The following MAP1B variants were observed in gnomAD, a reference collection of about 807,000 sequenced individuals.
MAP1B encodes the protein microtubule associated protein 1B.
Under a neutral mutation model 176.1 loss-of-function variants are expected in MAP1B, and 12 were observed. The ratio of observed to expected loss-of-function variants is 0.07; its 90% CI spans 0.04 to 0.11. MAP1B has a LOEUF of 0.11. Among genes scored for constraint, MAP1B ranks in the 10% least tolerant of loss-of-function variants. The probability of loss-of-function intolerance (pLI) is 1.00; values close to 1 mark genes in which losing one functional copy is unlikely to be tolerated. For synonymous variants in MAP1B, 1,044 were observed against 1,135.0 expected, an observed-to-expected ratio of 0.92 and a Z score of 1.61; for missense variants, 2,523 against 2,990.5, an observed-to-expected ratio of 0.84 and a Z score of 3.65.
intron 4 of MAP1B, among the ~76,000 whole-genome samples, chr5:72,187,869 G>A (rs900348598): frequency 6.6e-6 from 1 of 152,210 alleles, no homozygotes; most frequent in Non-Finnish European, 1.5e-5. Context: ...ATGTAAAACT[G>A]TGAAAAGGAA....
chr5:72,178,581 C>A (rs1287202024), intron 2 of MAP1B, among the ~76,000 whole-genome samples: 1 of 152,200 alleles, frequency 6.6e-6, no homozygotes, highest in Non-Finnish European at 1.5e-5. Flanking sequence ...CCTGCCCATG[C>A]CCTGCCCCTC....
chr5:72,134,800 G>A (rs758056033), intron 2 of MAP1B, among the ~76,000 whole-genome samples: 1 of 151,440 alleles, frequency 6.6e-6, no homozygotes, highest in Non-Finnish European at 1.5e-5. Flanking sequence ...GAAAAAGGAA[G>A]GCAGAGACTT....
At chr5:72,117,397 G>C (rs1393723930) in intron 2 of MAP1B, among the ~76,000 whole-genome samples, 1 of 152,120 alleles carries the variant, frequency 6.6e-6, no homozygotes, top group African/African-American at 2.4e-5. Context: ...TTTTTACTAT[G>C]ATTGTTTGTA....
At chr5:72,143,744 G>A (rs1313732422) in intron 2 of MAP1B, among the ~76,000 whole-genome samples, 1 of 152,110 alleles carries the variant, frequency 6.6e-6, no homozygotes, top group East Asian at 1.9e-4. Flanking sequence ...GGGTACTGAG[G>A]GAGAATCTGT....
At position 72,199,449 on chromosome 5, in the gene MAP1B, A is replaced by G; in HGVS notation, c.6094A>G (p.Thr2032Ala). 1 of 1,614,192 alleles carries G rather than the reference A, an allele frequency of 6.2e-7. No individual in the cohort carries two copies. Among genetic ancestry groups the G allele is most frequent in the Non-Finnish European group, 8.5e-7 (1 of 1,180,036 alleles). ...TTCCTATGAGACATCTACAAAGACA[A>G]CACGAACCCCTGATACTTCCACATA... ...GYSYETSTKT[T>A]RTPDTSTYCY... The change falls in exon 5 of 7, where the codon ACA becomes GCA. Residue 2032 changes from threonine (T) to alanine (A), a missense_variant. Transcript: ENST00000296755. This position sits in a 1 kb window ranked among gnomAD's most constrained non-coding sequence, Gnocchi z 4.2.
At position 72,196,393 on chromosome 5, in the gene MAP1B, C is replaced by G. The variant is rs1747168547; in HGVS notation, c.3038C>G (p.Ala1013Gly). The G allele has an allele frequency of 6.2e-7, 1 of 1,613,760 alleles. No homozygotes were observed. Among genetic ancestry groups the G allele is most frequent in the South Asian group, 1.1e-5 (1 of 91,062 alleles). ...GATGAGGCCATTGAGAAAGGAGAGG[C>G]TGAACAATCTGAAGAGGAGGCTGAT... ...DMDEAIEKGE[A>G]EQSEEEADEE... is the part of the protein sequence containing the mutation. Residue 1013 changes from alanine to glycine, a missense_variant, in exon 5 of 7, where the codon GCT becomes GGT. Physicochemically the swap from Ala to Gly is moderately conservative, Grantham distance 60. Transcript: ENST00000296755. The surrounding 1 kb of genome is among the most constrained non-coding windows in gnomAD (Gnocchi z 5.3).
intron 3 of MAP1B, among the ~76,000 whole-genome samples, chr5:72,185,756 G>A (rs568987860): frequency 6.6e-6 from 1 of 152,348 alleles, no homozygotes; most frequent in South Asian, 2.1e-4. Context: ...TTAGGTACAT[G>A]TGTTTTTTGC....
chr5:72,191,130 T>C (rs2112226685), intron 4 of MAP1B, among the ~76,000 whole-genome samples: 1 of 152,376 alleles, frequency 6.6e-6, no homozygotes, highest in Non-Finnish European at 1.5e-5. Flanking sequence ...TGTGTTGAAC[T>C]GGCCAAGTTT....
chr5:72,196,663 A>G lies in MAP1B; in HGVS notation c.3308A>G (p.Glu1103Gly), dbSNP rs1209834845. ...GSESEATASD[E>G]ENREDQPEEF... ...GAGAGCGAGGCCACCGCTTCTGATGAGGAGAATCGAGAAGACCAGCCTGAG... is the reference window on the plus strand; with the variant it reads ...GAGAGCGAGGCCACCGCTTCTGATGGGGAGAATCGAGAAGACCAGCCTGAG... Residue 1103 changes from glutamate (E) to glycine (G), a missense_variant, in exon 5 of 7, where the codon GAG becomes GGG. Glu to Gly is a moderately conservative substitution (Grantham distance 98, BLOSUM62 -2). Coordinates refer to ENST00000296755, the MANE Select transcript of MAP1B (RefSeq NM_005909.5). This position sits in a 1 kb window ranked among gnomAD's most constrained non-coding sequence, Gnocchi z 5.3. The G allele has an allele frequency of 6.2e-7, 1 of 1,614,122 alleles. No individual in the cohort carries two copies. The highest frequency in any genetic ancestry group is 1.1e-5 in the South Asian group (1 of 91,080).
chr5:72,207,988 T>C lies in MAP1B; in HGVS notation c.*2749T>C, dbSNP rs896042377. The C allele has an allele frequency of 1.4e-5, 2 of 145,470 alleles. No individual in the cohort carries two copies. Among genetic ancestry groups the C allele is most frequent in the African/African-American group, 2.6e-5 (1 of 39,140 alleles). The allele number at this position is 145,470 out of a possible 1,614,324, so 9.0% of individuals were successfully genotyped here. On this transcript the variant is annotated 3_prime_UTR_variant, in exon 7 of 7. Transcript: ENST00000296755. ...TTTTTTTTTTTTTTTTTTTTTGCTA[T>C]GGGATTTAATGGGAAAAATATGTAA...
At chr5:72,126,801 A>G (rs1283514521) in intron 2 of MAP1B, among the ~76,000 whole-genome samples, 2 of 152,172 alleles carry the variant, frequency 1.3e-5, no homozygotes, top group African/African-American at 2.4e-5. Context: ...GCTTTATGAC[A>G]CTCAGGCTGA....
chr5:72,162,339 A>G (rs1337110255), intron 2 of MAP1B, among the ~76,000 whole-genome samples: 1 of 152,066 alleles, frequency 6.6e-6, no homozygotes, highest in Non-Finnish European at 1.5e-5. Flanking sequence ...CCTCTGAGAT[A>G]TTTTCAAAGT....
chr5:72,181,723 AT>A (rs33951504), intron 2 of MAP1B, among the ~76,000 whole-genome samples: 76 of 138,470 alleles, frequency 5.5e-4, no homozygotes, highest in Middle Eastern at 3.8e-3. Context: ...ACACCCAGCT[AT>A]TTTTTTTTTT....
rs1189533879 is a variant in MAP1B at position 72,199,465 on chromosome 5, C to T, written c.6110C>T (p.Thr2037Ile). Residue 2037 changes from threonine to isoleucine, a missense_variant, in exon 5 of 7, where the codon ACT (threonine) becomes ATT (isoleucine). Thr to Ile is a moderately conservative substitution (Grantham distance 89, BLOSUM62 -1). Around this residue, in one of 4 missense-constraint regions of MAP1B, gnomAD observed 1,925 missense variants for 2,126.0 expected, o/e 0.91. Coordinates refer to ENST00000296755, the MANE Select transcript of MAP1B (RefSeq NM_005909.5). The surrounding 1 kb of genome is among the most constrained non-coding windows in gnomAD (Gnocchi z 4.2). ...TSTKTTRTPD[T>I]STYCYETAEK... Reference sequence around the variant, plus strand: ...ACAAAGACAACACGAACCCCTGATACTTCCACATACTGTTACGAGACTGCA... The same window carrying T: ...ACAAAGACAACACGAACCCCTGATATTTCCACATACTGTTACGAGACTGCA... 76 of 1,614,020 alleles carry T rather than the reference C, an allele frequency of 4.7e-5. No homozygotes were observed. In the East Asian group the frequency reaches 1.7e-3, roughly 36 times the overall value.
In MAP1B at chr5:72,198,331, C is replaced by T. The variant is rs1418701239; in HGVS notation, c.4976C>T (p.Ala1659Val). 4 of 1,614,200 alleles carry T rather than the reference C, an allele frequency of 2.5e-6. No homozygotes were observed. Among genetic ancestry groups the T allele is most frequent in the Non-Finnish European group, 3.4e-6 (4 of 1,180,042 alleles). The change falls in exon 5 of 7, where the codon GCT (alanine) becomes GTT (valine). Residue 1659 changes from alanine (A) to valine (V), a missense_variant. By Grantham distance (64) the Ala-to-Val change is moderately conservative (BLOSUM62 0). Transcript: ENST00000296755. ...CAAGAATCTCCTGAGCAATCCCTTG[C>T]TATGGACTTCAGTCGACAGTCTCCA... Reference protein sequence around the residue: ...FGQESPEQSLAMDFSRQSPDH... With the variant: ...FGQESPEQSLVMDFSRQSPDH...
chr5:72,192,041 G>A (rs769585789), intron 4 of MAP1B, among the ~76,000 whole-genome samples: 1 of 152,062 alleles, frequency 6.6e-6, no homozygotes, highest in Non-Finnish European at 1.5e-5. Flanking sequence ...CAGCTAGGGT[G>A]GAATTTCAAA....
chr5:72,185,972 A>T (rs1348720856), intron 3 of MAP1B, among the ~76,000 whole-genome samples: 1 of 152,226 alleles, frequency 6.6e-6, no homozygotes, highest in African/African-American at 2.4e-5. Flanking sequence ...AGAGTTCCTT[A>T]GCGCAAACCA....
intron 2 of MAP1B, among the ~76,000 whole-genome samples, chr5:72,165,725 T>C (rs1746414958): frequency 6.6e-6 from 1 of 152,180 alleles, no homozygotes; most frequent in Non-Finnish European, 1.5e-5. Flanking sequence ...CATATAACCA[T>C]AAACATATTC....
At position 72,196,093 on chromosome 5, in the gene MAP1B, A is replaced by C. The variant is rs200457529; in HGVS notation, c.2738A>C (p.Glu913Ala). 4 of 1,614,150 alleles carry C rather than the reference A, an allele frequency of 2.5e-6. No individual in the cohort carries two copies. In the East Asian group the frequency reaches 8.9e-5, roughly 36 times the overall value. ...GECEQTPEELEPVEKQGVDDI... is the reference protein window; with the variant it reads ...GECEQTPEELAPVEKQGVDDI... The stretch of plus-strand genomic sequence containing the variant: ...TGTGAACAGACACCTGAGGAGCTGG[A>C]GCCCGTCGAGAAGCAGGGAGTAGAC... Residue 913 changes from glutamate to alanine, a missense_variant, in exon 5 of 7, where the codon GAG becomes GCG. By Grantham distance (107) the Glu-to-Ala change is moderately radical (BLOSUM62 -1). Transcript: ENST00000296755. The surrounding 1 kb of genome is among the most constrained non-coding windows in gnomAD (Gnocchi z 5.3).
Sources: allele counts gnomAD v4.1 joint callset (sites outside exome capture counted in the v4.1 genomes callset), GRCh38; gene constraint gnomAD v4.1.1; regional missense constraint gnomAD v4.1.1; non-coding constraint Gnocchi (gnomAD v3.1); transcripts MANE v1.5; gene names NCBI Gene and HGNC (gene_info 2026-07-23, HGNC 2026-07-21).